Variants in BANP observed in about 807,000 individuals in gnomAD.
BANP encodes the protein BTG3 associated nuclear protein.
Under a neutral mutation model 68.1 loss-of-function variants are expected in BANP, and 11 were observed. The ratio of observed to expected loss-of-function variants is 0.16; its 90% CI spans 0.10 to 0.27. BANP has a LOEUF of 0.27. Among genes scored for constraint, BANP ranks in the 10% least tolerant of loss-of-function variants. The pLI, the probability that BANP is intolerant of heterozygous loss-of-function variation, is 1.00. For missense variants in BANP, 504 were observed against 722.7 expected (o/e 0.70, Z 3.47); for synonymous variants, 329 against 303.2 (o/e 1.09, Z -0.88).
In BANP at chr16:88,071,129, C is replaced by T. The variant is rs369669913; in HGVS notation, c.1378-940C>T. The T allele has an allele frequency of 1.3e-4, 37 of 284,294 alleles. No homozygotes were observed. Among genetic ancestry groups the T allele is most frequent in the African/African-American group, 7.2e-4 (32 of 44,412 alleles). 17.6% of individuals were successfully genotyped at this position (284,294 alleles called of 1,614,324 possible). On this transcript the variant is annotated intron_variant, in intron 12 of 13. Coordinates refer to ENST00000682872, the MANE Select transcript of BANP (RefSeq NM_001386991.1). This position sits in a 1 kb window ranked among gnomAD's most constrained non-coding sequence, Gnocchi z 6.5. ...AGGCTCCGTGGGGTGGGGCACCCTG[C>T]GACGGGCTGCTCCTCTTCCCAGGGC...
chr16:88,033,358 T>A, intron 9 of BANP, 113 bp downstream of exon 9: 1 of 1,148,990 alleles, frequency 8.7e-7, no homozygotes, highest in Non-Finnish European at 1.2e-6. Flanking sequence ...AGTGATAGCT[T>A]GGGAGGAGGC....
At chr16:88,026,194 G>A (rs894026101) in intron 7 of BANP, among the ~76,000 whole-genome samples, 3 of 152,220 alleles carry the variant, frequency 2.0e-5, no homozygotes, top group African/African-American at 7.2e-5. Flanking sequence ...GCGTGTGCAC[G>A]GTGAGCCCCA....
chr16:87,949,423 C>T (rs900685990), upstream of BANP: 5 of 152,148 alleles, frequency 3.3e-5, no homozygotes, highest in Non-Finnish European at 5.9e-5. Context: ...ATGTTTTGTC[C>T]CCACTGCCGG....
intron 4 of BANP, among the ~76,000 whole-genome samples, chr16:87,997,356 G>T (rs953024688): frequency 1.3e-5 from 2 of 152,270 alleles, no homozygotes; most frequent in Non-Finnish European, 2.9e-5. Flanking sequence ...GATCATTGCT[G>T]TTCTTGTCCA....
intron 2 of BANP, 36 bp downstream of exon 2, chr16:87,975,221 C>A (rs745827475): frequency 6.2e-7 from 1 of 1,606,220 alleles, no homozygotes; most frequent in Non-Finnish European, 8.5e-7. Flanking sequence ...AAATATTATT[C>A]TCTTTATTCT....
At chr16:87,974,771 G>T (rs1752102327) in intron 1 of BANP, among the ~76,000 whole-genome samples, 1 of 152,160 alleles carries the variant, frequency 6.6e-6, no homozygotes, top group Admixed American at 6.5e-5. Flanking sequence ...TGTTGGGAAG[G>T]TGGCTTTGGA....
intron 8 of BANP, among the ~76,000 whole-genome samples, chr16:88,028,699 A>G (rs183418705): frequency 3.3e-5 from 5 of 152,346 alleles, no homozygotes; most frequent in Admixed American, 2.6e-4. Flanking sequence ...TCACTGAAAT[A>G]CCATGTAGCA....
chr16:88,005,750 C>A (rs1447636270), intron 5 of BANP, among the ~76,000 whole-genome samples: 3 of 152,220 alleles, frequency 2.0e-5, no homozygotes, highest in Non-Finnish European at 4.4e-5. Context: ...TTCCCTTTAA[C>A]CTCGCCGGAA....
chr16:88,041,852 C>A (rs1335124456), intron 11 of BANP, among the ~76,000 whole-genome samples: 1 of 152,232 alleles, frequency 6.6e-6, no homozygotes, highest in Admixed American at 6.5e-5. Context: ...CTAAGGAATG[C>A]TGATTAGAGT....
At chr16:88,075,669 C>T (rs1178099027) in intron 13 of BANP, among the ~76,000 whole-genome samples, 1 of 152,058 alleles carries the variant, frequency 6.6e-6, no homozygotes. Flanking sequence ...AGAGTGGGCT[C>T]CTCCACCTGG....
intron 13 of BANP, 103 bp from the exon 14 acceptor site, chr16:88,076,487 G>A (rs2091646893): frequency 4.0e-6 from 4 of 989,760 alleles, no homozygotes; most frequent in South Asian, 3.1e-5. Flanking sequence ...TCCTGTGTGC[G>A]TGTTTCTCAT....
Position 88,076,727 on chromosome 16 carries a change from C to A in BANP, c.*66C>A. The A allele has an allele frequency of 2.2e-6, 3 of 1,336,248 alleles. No individual in the cohort carries two copies. Among genetic ancestry groups the A allele is most frequent in the Non-Finnish European group, 3.1e-6 (3 of 979,076 alleles). 82.8% of individuals were successfully genotyped at this position (1,336,248 alleles called of 1,614,324 possible). ...TACGGCCCGGCCCCCACGCGCCCTG[C>A]TCTCACGGCCTCGGCACAGGCAGCG... On this transcript the variant is annotated 3_prime_UTR_variant, in exon 14 of 14. Coordinates refer to ENST00000682872, the MANE Select transcript of BANP (RefSeq NM_001386991.1).
intron 4 of BANP, among the ~76,000 whole-genome samples, chr16:87,997,097 A>G (rs763400975): frequency 6.6e-6 from 1 of 152,212 alleles, no homozygotes. Context: ...AGCTCAGCGT[A>G]GAAAATGTTT....
At chr16:88,012,505 G>A (rs1475927669) in intron 6 of BANP, among the ~76,000 whole-genome samples, 1 of 152,186 alleles carries the variant, frequency 6.6e-6, no homozygotes, top group East Asian at 1.9e-4. Context: ...GAACAACCGT[G>A]CAGCCCAGTG....
rs757316317 is a variant in BANP, at chr16:88,057,907, G to A, written c.1312-7360G>A. Among the ~76,000 whole-genome samples, 4 of 152,160 alleles carry A rather than the reference G, an allele frequency of 2.6e-5. No homozygotes were observed. The highest frequency in any genetic ancestry group is 7.2e-5 in the African/African-American group (3 of 41,430). On this transcript the variant is annotated intron_variant, in intron 11 of 13. Coordinates refer to ENST00000682872, the MANE Select transcript of BANP (RefSeq NM_001386991.1). The surrounding 1 kb of genome is among the most constrained non-coding windows in gnomAD (Gnocchi z 4.6). Reference sequence around the variant, plus strand: ...GTGCGGTGCGGGGCAGCGAGTGGCCGCCTGTGTTCCGACAAGCCAGGCGCC... The same window carrying A: ...GTGCGGTGCGGGGCAGCGAGTGGCCACCTGTGTTCCGACAAGCCAGGCGCC...
At chr16:87,994,938 T>TGATGCCTGAACA (rs2066784535) in intron 4 of BANP, among the ~76,000 whole-genome samples, 2 of 152,154 alleles carry the variant, frequency 1.3e-5, no homozygotes, top group South Asian at 4.1e-4. Context: ...TGCATCTTGC[T>TGATGCCTGAACA]TATGTTCAGG....
intron 4 of BANP, among the ~76,000 whole-genome samples, chr16:87,997,802 T>G (rs1426679343): frequency 6.6e-6 from 1 of 152,278 alleles, no homozygotes; most frequent in African/African-American, 2.4e-5. Flanking sequence ...TCAGTACTCC[T>G]TGAGCTCAGC....
chr16:88,029,912 C>T (rs188772881), intron 8 of BANP, among the ~76,000 whole-genome samples: 1 of 152,296 alleles, frequency 6.6e-6, no homozygotes, highest in East Asian at 1.9e-4. Flanking sequence ...GAGGGTTACA[C>T]GGGGGCCTTC....
At chr16:87,960,969 A>T (rs557407152) in intron 1 of BANP, among the ~76,000 whole-genome samples, 2 of 152,352 alleles carry the variant, frequency 1.3e-5, no homozygotes, top group African/African-American at 4.8e-5. Context: ...CCAATAAATC[A>T]GATGCCAGTG....
Sources: allele counts gnomAD v4.1 joint callset (sites outside exome capture counted in the v4.1 genomes callset), GRCh38; gene constraint gnomAD v4.1.1; non-coding constraint Gnocchi (gnomAD v3.1); transcripts MANE v1.5; gene names NCBI Gene and HGNC (gene_info 2026-07-23, HGNC 2026-07-21).